Variants in COL23A1 observed in about 807,000 individuals in gnomAD.
The protein encoded by COL23A1 is collagen type XXIII alpha 1 chain, also known as collagen alpha-1(XXIII) chain.
Under a neutral mutation model 99.3 loss-of-function variants are expected in COL23A1, and 97 were observed. The observed-to-expected ratio is 0.98, with a 90% CI of 0.83 to 1.16. COL23A1 has a LOEUF of 1.16. Among genes scored for constraint, COL23A1 ranks in the 50% most tolerant of loss-of-function variants. The pLI is 0.00. For missense variants in COL23A1, 762 were observed against 757.4 expected (o/e 1.01, Z -0.07); for synonymous variants, 320 against 308.2 (o/e 1.04, Z -0.40).
chr5:178,452,098 A>C (rs1767522173), intron 2 of COL23A1, among the ~76,000 whole-genome samples: 1 of 152,202 alleles, frequency 6.6e-6, no homozygotes, highest in African/African-American at 2.4e-5. Flanking sequence ...AAGTCCTATC[A>C]GATACCACGA....
chr5:178,403,131 T>TAAAAAAA (rs1296208700), intron 2 of COL23A1, among the ~76,000 whole-genome samples: 4 of 74,308 alleles, frequency 5.4e-5, no homozygotes, highest in African/African-American at 1.7e-4. Flanking sequence ...AATAAATAAA[T>TAAAAAAA]AAAAAATAAA....
At chr5:178,418,689 T>A (rs1765439917) in intron 2 of COL23A1, among the ~76,000 whole-genome samples, 1 of 144,938 alleles carries the variant, frequency 6.9e-6, no homozygotes, top group Non-Finnish European at 1.5e-5. Flanking sequence ...AAGTCCTTTG[T>A]AGGTGGCAGG....
intron 5 of COL23A1, among the ~76,000 whole-genome samples, chr5:178,277,074 A>C (rs957738492): frequency 2.3e-4 from 35 of 152,200 alleles, no homozygotes; most frequent in Non-Finnish European, 4.9e-4. Flanking sequence ...CGTGCAGTTA[A>C]AAGAACCCAG....
intron 5 of COL23A1, among the ~76,000 whole-genome samples, chr5:178,283,297 G>A (rs1342029173): frequency 1.3e-5 from 2 of 151,994 alleles, no homozygotes; most frequent in African/African-American, 4.8e-5. Flanking sequence ...ACTTCCTATC[G>A]TTTCCTGTCA....
At chr5:178,435,794 AT>A (rs1477851075) in intron 2 of COL23A1, among the ~76,000 whole-genome samples, 2 of 152,162 alleles carry the variant, frequency 1.3e-5, no homozygotes, top group African/African-American at 4.8e-5. Context: ...GGGCACCCCC[AT>A]CCCCCTCAAC....
intron 2 of COL23A1, among the ~76,000 whole-genome samples, chr5:178,536,311 G>A (rs1760958195): frequency 6.6e-6 from 1 of 152,264 alleles, no homozygotes; most frequent in African/African-American, 2.4e-5. Context: ...ACAGACCAGG[G>A]GATGGACCGG....
rs766472837 is a variant in COL23A1 at position 178,255,061 on chromosome 5, G to C, written c.883-35C>G. 8 of 1,554,016 alleles carry C rather than the reference G, an allele frequency of 5.1e-6. No individual in the cohort carries two copies. The highest frequency in any genetic ancestry group is 5.0e-5 in the Admixed American group (3 of 59,768). ...GAAGAAGAGTAAGAATTTCAGGGAA[G>C]AGCTACACTGAGTTGGAGGTGAAGT... On this transcript the variant is annotated intron_variant, in intron 15 of 28. Transcript: ENST00000390654. This position sits in a 1 kb window ranked among gnomAD's most constrained non-coding sequence, Gnocchi z 4.2.
At chr5:178,448,415 C>T (rs548093137) in intron 2 of COL23A1, among the ~76,000 whole-genome samples, 1 of 149,858 alleles carries the variant, frequency 6.7e-6, no homozygotes, top group Non-Finnish European at 1.5e-5. Context: ...TAGTCGCAGT[C>T]CGTTTTGTTC....
intron 2 of COL23A1, among the ~76,000 whole-genome samples, chr5:178,545,888 T>C (rs1398988265): frequency 6.6e-6 from 1 of 152,214 alleles, no homozygotes; most frequent in Non-Finnish European, 1.5e-5. Context: ...TGCCTCAGTT[T>C]ATCCTCAAAA....
chr5:178,588,499 C>T (rs992386531), intron 1 of COL23A1, among the ~76,000 whole-genome samples: 1 of 152,226 alleles, frequency 6.6e-6, no homozygotes, highest in Non-Finnish European at 1.5e-5. Flanking sequence ...CAATTCAACA[C>T]CCTGGTCTCC....
intron 1 of COL23A1, among the ~76,000 whole-genome samples, chr5:178,584,190 A>C (rs1410932815): frequency 6.6e-6 from 1 of 151,946 alleles, no homozygotes; most frequent in Non-Finnish European, 1.5e-5. Flanking sequence ...TGGTGTTTTT[A>C]GTAGAGACAG....
intron 2 of COL23A1, among the ~76,000 whole-genome samples, chr5:178,474,677 T>C (rs1756935929): frequency 2.0e-5 from 3 of 152,234 alleles, no homozygotes; most frequent in Admixed American, 2.0e-4. Context: ...TACATTTTTA[T>C]TGAGTCCTTT....
At chr5:178,288,527 T>C (rs747473761) in intron 4 of COL23A1, 177 bp from the exon 5 acceptor site, 1 of 674,980 alleles carries the variant, frequency 1.5e-6, no homozygotes, top group South Asian at 1.7e-5. Flanking sequence ...AGCCCTTTCC[T>C]GCCTCAGAGG....
At chr5:178,475,462 T>C (rs751342106) in intron 2 of COL23A1, among the ~76,000 whole-genome samples, 3 of 152,178 alleles carry the variant, frequency 2.0e-5, no homozygotes, top group Non-Finnish European at 4.4e-5. Flanking sequence ...TGAGCCCCTG[T>C]GCCTATACTC....
At chr5:178,374,590 C>T (rs905466805) in intron 2 of COL23A1, among the ~76,000 whole-genome samples, 1 of 152,236 alleles carries the variant, frequency 6.6e-6, no homozygotes, top group Admixed American at 6.5e-5. Flanking sequence ...GCACCTACCT[C>T]ACTGGGCTGC....
chr5:178,315,241 C>T (rs1227034159), intron 2 of COL23A1, among the ~76,000 whole-genome samples: 2 of 152,180 alleles, frequency 1.3e-5, no homozygotes, highest in Non-Finnish European at 2.9e-5. Context: ...AGCCCCAACA[C>T]ACCGTGTTCT....
At chr5:178,238,750 G>A (rs568779477) in intron 28 of COL23A1, 50 bp from the exon 29 acceptor site, 17 of 1,611,798 alleles carry the variant, frequency 1.1e-5, no homozygotes, top group Admixed American at 8.3e-5. Context: ...GAGAAGCTCC[G>A]CCCCCATCCA....
chr5:178,414,079 T>G (rs1000586776), intron 2 of COL23A1, among the ~76,000 whole-genome samples: 22 of 152,204 alleles, frequency 1.4e-4, no homozygotes, highest in Non-Finnish European at 2.6e-4. Context: ...GCTCCGGTCC[T>G]GCAGTGGGAA....
At chr5:178,244,675 T>C (rs1467060258) in intron 25 of COL23A1, among the ~76,000 whole-genome samples, 5 of 152,230 alleles carry the variant, frequency 3.3e-5, no homozygotes, top group African/African-American at 4.8e-5. Context: ...AAAGGCTGAG[T>C]TGTGTTGACA....
Sources: allele counts gnomAD v4.1 joint callset (sites outside exome capture counted in the v4.1 genomes callset), GRCh38; gene constraint gnomAD v4.1.1; non-coding constraint Gnocchi (gnomAD v3.1); transcripts MANE v1.5; gene names NCBI Gene and HGNC (gene_info 2026-07-23, HGNC 2026-07-21).